SCLT1: variants seen among roughly 807,000 people sequenced by gnomAD.
SCLT1 encodes the protein sodium channel-associated protein 1.
A neutral mutation model predicts 112.8 loss-of-function variants in SCLT1; 78 were observed. The ratio of observed to expected loss-of-function variants is 0.69; its 90% CI spans 0.58 to 0.83. SCLT1 has a LOEUF of 0.83. Ranked by LOEUF, SCLT1 falls within the 40% of genes least tolerant of loss-of-function variation. The pLI is 0.00. For missense variants in SCLT1, 747 were observed against 770.4 expected, an observed-to-expected ratio of 0.97 and a Z score of 0.36; for synonymous variants, 257 against 254.7, an observed-to-expected ratio of 1.01 and a Z score of -0.09.
chr4:129,013,238 G>A (rs549372313), intron 5 of SCLT1, among the ~76,000 whole-genome samples: 6 of 152,118 alleles, frequency 3.9e-5, no homozygotes, highest in Admixed American at 2.6e-4. Flanking sequence ...GAGAACACGC[G>A]GTATTTGGTT....
chr4:128,958,861 T>C (rs750754612), intron 12 of SCLT1, among the ~76,000 whole-genome samples: 1 of 152,182 alleles, frequency 6.6e-6, no homozygotes, highest in Non-Finnish European at 1.5e-5. Context: ...ACTTACACTA[T>C]ATTCTGTTTT....
chr4:129,040,924 GTAAT>G (rs1283080689), intron 4 of SCLT1, among the ~76,000 whole-genome samples: 1 of 151,852 alleles, frequency 6.6e-6, no homozygotes. Context: ...TTTTTCTCTT[GTAAT>G]TAATTAAGTG....
chr4:128,897,511 T>G (rs913613926), intron 18 of SCLT1, among the ~76,000 whole-genome samples: 1 of 144,234 alleles, frequency 6.9e-6, no homozygotes, highest in Non-Finnish European at 1.5e-5. Context: ...CTAAAAGAGC[T>G]CCTGAAGGAA....
intron 2 of SCLT1, among the ~76,000 whole-genome samples, chr4:129,053,849 C>T (rs1367148163): frequency 6.6e-6 from 1 of 151,972 alleles, no homozygotes; most frequent in Non-Finnish European, 1.5e-5. Flanking sequence ...TTCATAGTGT[C>T]AATGGTCTTT....
Position 129,005,655 on chromosome 4 carries a change from T to C in SCLT1, c.291-1779A>G, listed in dbSNP as rs559317714. Among the ~76,000 whole-genome samples, 165 of 152,134 alleles carry C rather than the reference T, an allele frequency of 1.1e-3. 1 individual carries two copies. The highest frequency in any genetic ancestry group is 3.4e-3 in the Middle Eastern group (1 of 294). The stretch of plus-strand genomic sequence containing the variant: ...TAGAAATACCATTTGACCCAGCCAT[T>C]GCATTACTGGGTATATACCCAAAGG... On this transcript the variant is annotated intron_variant, in intron 5 of 20. Coordinates refer to ENST00000281142, the MANE Select transcript of SCLT1 (RefSeq NM_144643.4).
chr4:129,048,180 A>G (rs1049593852), intron 2 of SCLT1, among the ~76,000 whole-genome samples: 1 of 152,138 alleles, frequency 6.6e-6, no homozygotes. Flanking sequence ...AGTCAATCCT[A>G]AGCCAAAAGA....
chr4:128,981,626 A>G (rs1741659909), intron 9 of SCLT1, among the ~76,000 whole-genome samples: 1 of 151,744 alleles, frequency 6.6e-6, no homozygotes, highest in East Asian at 1.9e-4. Flanking sequence ...GAGCCAACCA[A>G]TCAGCACTCC....
intron 13 of SCLT1, 102 bp downstream of exon 13, chr4:128,956,924 T>C (rs1027919921): frequency 2.0e-4 from 126 of 644,538 alleles, no homozygotes; most frequent in African/African-American, 3.7e-5. Flanking sequence ...TTTATAACTA[T>C]GTAGGCAAGT....
At chr4:128,901,787 T>C (rs1734327489) in intron 18 of SCLT1, among the ~76,000 whole-genome samples, 1 of 152,182 alleles carries the variant, frequency 6.6e-6, no homozygotes, top group Non-Finnish European at 1.5e-5. Flanking sequence ...TGATATTAAA[T>C]ACTTATTTTA....
intron 18 of SCLT1, among the ~76,000 whole-genome samples, chr4:128,911,446 AAG>A (rs1326211469): frequency 1.3e-5 from 2 of 152,198 alleles, no homozygotes; most frequent in Non-Finnish European, 1.5e-5. Context: ...AGTAGTAGCT[AAG>A]AGGGGATAAT....
chr4:129,016,594 G>T (rs1420539789), intron 5 of SCLT1, among the ~76,000 whole-genome samples: 16 of 152,160 alleles, frequency 1.1e-4, no homozygotes, highest in Admixed American at 1.0e-3. Flanking sequence ...AAAGTACAGT[G>T]GCATTTTGAG....
At chr4:129,053,557 AT>A (rs528905688) in intron 2 of SCLT1, among the ~76,000 whole-genome samples, 34 of 45,226 alleles carry the variant, frequency 7.5e-4, no homozygotes, top group South Asian at 2.3e-3. Flanking sequence ...GCAATCCCTG[AT>A]TTTTTTTTTT....
chr4:128,917,227 G>T (rs535116338), intron 18 of SCLT1, among the ~76,000 whole-genome samples: 1 of 152,066 alleles, frequency 6.6e-6, no homozygotes, highest in Admixed American at 6.6e-5. Context: ...TTTGTCCAGG[G>T]AACTGTGAGC....
chr4:128,940,403 T>G (rs1560867189), intron 17 of SCLT1, among the ~76,000 whole-genome samples: 1 of 152,008 alleles, frequency 6.6e-6, no homozygotes, highest in Non-Finnish European at 1.5e-5. Flanking sequence ...AAAACTCAGA[T>G]AATCCCTTCT....
intron 5 of SCLT1, among the ~76,000 whole-genome samples, chr4:129,019,849 A>AT (rs1323141006): frequency 2.0e-5 from 3 of 151,624 alleles, no homozygotes; most frequent in Admixed American, 2.0e-4. Context: ...TTCCTTTTTT[A>AT]TGCTCCTCCA....
intron 18 of SCLT1, among the ~76,000 whole-genome samples, chr4:128,922,400 T>A (rs1318906314): frequency 6.6e-6 from 1 of 152,116 alleles, no homozygotes; most frequent in Non-Finnish European, 1.5e-5. Flanking sequence ...GAAATCAACT[T>A]AAATGCCCAT....
intron 18 of SCLT1, among the ~76,000 whole-genome samples, chr4:128,904,176 G>A (rs548591975): frequency 6.6e-6 from 1 of 152,032 alleles, no homozygotes; most frequent in African/African-American, 2.4e-5. Flanking sequence ...CTTATTATAG[G>A]GTATAAGGAT....
rs73850039 is a variant in SCLT1, at chr4:128,936,738, C to A, written c.1746G>T (p.Ala582=). Residue 582 remains alanine, a synonymous_variant, in exon 18 of 21, where the codon GCG becomes GCT. Transcript: ENST00000281142. ...NSIVELRHLL[A]TQQKAANRWK... is the part of the protein sequence containing the mutation. ...ACCTATTGGCTGCCTTCTGTTGAGTCGCTAGGAGATGCCTCAGTTCAACAA... is the reference window on the plus strand; with the variant it reads ...ACCTATTGGCTGCCTTCTGTTGAGTAGCTAGGAGATGCCTCAGTTCAACAA... The A allele has an allele frequency of 1.9e-6, 3 of 1,612,878 alleles. No homozygotes were observed. Among genetic ancestry groups the A allele is most frequent in the South Asian group, 1.1e-5 (1 of 90,974 alleles).
chr4:128,999,150 T>C (rs562017182), intron 7 of SCLT1, among the ~76,000 whole-genome samples: 18 of 151,976 alleles, frequency 1.2e-4, no homozygotes, highest in African/African-American at 4.3e-4. Context: ...TAGAAAAAAG[T>C]CTTTTAATAA....
Sources: gnomAD v4.1 joint callset for allele counts (sites outside exome capture counted in the v4.1 genomes callset) on GRCh38, gnomAD v4.1.1 for gene constraint, MANE v1.5 for transcripts, NCBI Gene and HGNC (gene_info 2026-07-23, HGNC 2026-07-21) for gene names.